TUT4: variants seen among roughly 807,000 people sequenced by gnomAD.
The protein encoded by TUT4 is terminal uridylyl transferase 4.
A neutral mutation model predicts 192.2 loss-of-function variants in TUT4; 36 were observed. That is an observed-to-expected ratio of 0.19 (90% confidence interval 0.14 to 0.25). TUT4 has a LOEUF of 0.25. Among genes scored for constraint, TUT4 ranks in the 10% least tolerant of loss-of-function variants. The probability of loss-of-function intolerance (pLI) is 1.00; values close to 1 mark genes in which losing one functional copy is unlikely to be tolerated. For synonymous variants in TUT4, 618 were observed against 666.0 expected, an observed-to-expected ratio of 0.93 and a Z score of 1.11; for missense variants, 1,493 against 1,957.2, an observed-to-expected ratio of 0.76 and a Z score of 4.47.
chr1:52,540,206 G>T, intron 1 of TUT4, among the ~76,000 whole-genome samples: 1 of 122,574 alleles, frequency 8.2e-6, no homozygotes. Context: ...GTGACAGAGC[G>T]AGACTCTGTC....
At chr1:52,448,700 T>C (rs977284090) in intron 20 of TUT4, among the ~76,000 whole-genome samples, 8 of 151,676 alleles carry the variant, frequency 5.3e-5, no homozygotes, top group African/African-American at 1.7e-4. Context: ...GGGGCTGACA[T>C]GTAATATTTT....
intron 1 of TUT4, among the ~76,000 whole-genome samples, chr1:52,538,114 T>C (rs951330345): frequency 3.9e-5 from 6 of 152,050 alleles, no homozygotes; most frequent in African/African-American, 7.2e-5. Context: ...CCCACACCCA[T>C]AGTCCCAGCT....
intron 1 of TUT4, among the ~76,000 whole-genome samples, chr1:52,544,526 C>A (rs1194645223): frequency 1.3e-5 from 2 of 152,054 alleles, no homozygotes; most frequent in African/African-American, 4.8e-5. Flanking sequence ...AAAATTAACT[C>A]AAAATGGATC....
At chr1:52,455,257 G>A (rs1264481181) in intron 20 of TUT4, among the ~76,000 whole-genome samples, 5 of 152,000 alleles carry the variant, frequency 3.3e-5, no homozygotes, top group Admixed American at 6.6e-5. Flanking sequence ...GTAATCTAGC[G>A]TGGACAACAG....
At chr1:52,464,460 T>C (rs1187869413) in intron 16 of TUT4, among the ~76,000 whole-genome samples, 1 of 152,150 alleles carries the variant, frequency 6.6e-6, no homozygotes, top group East Asian at 1.9e-4. Context: ...TTCACCATGT[T>C]GGCCAGGAGT....
intron 4 of TUT4, among the ~76,000 whole-genome samples, chr1:52,505,339 A>G (rs1229421677): frequency 6.6e-6 from 1 of 150,974 alleles, no homozygotes. Flanking sequence ...CAACCAAAGG[A>G]GCTGGGACTA....
At chr1:52,426,306 A>G (rs961751612) in intron 28 of TUT4, among the ~76,000 whole-genome samples, 5 of 152,196 alleles carry the variant, frequency 3.3e-5, no homozygotes, top group Admixed American at 1.3e-4. Context: ...GAGCTAGCAT[A>G]TAGGTAGGTA....
Position 52,495,466 on chromosome 1 carries a change from T to C in TUT4, c.1227A>G (p.Lys409=). 1 of 1,611,566 alleles carries C rather than the reference T, an allele frequency of 6.2e-7. No homozygotes were observed. Among genetic ancestry groups the C allele is most frequent in the Non-Finnish European group, 8.5e-7 (1 of 1,178,538 alleles). The change falls in exon 6 of 30, where the codon AAA becomes AAG. Residue 409 remains lysine, a synonymous_variant. Transcript: ENST00000257177. ...TTATATCTATATTAACATCACTACTTTTCAGAGCAAATCTAGTCAGAGATG... is the reference window on the plus strand; with the variant it reads ...TTATATCTATATTAACATCACTACTCTTCAGAGCAAATCTAGTCAGAGATG... ...YGSSLTRFAL[K]SSDVNIDIKF...
At chr1:52,552,499 G>C (rs1381383399) in intron 1 of TUT4, among the ~76,000 whole-genome samples, 3 of 152,244 alleles carry the variant, frequency 2.0e-5, no homozygotes, top group African/African-American at 7.2e-5. Flanking sequence ...ACATTATGTA[G>C]TCACCTATGT....
rs957002604 is a variant in TUT4 at position 52,481,450 on chromosome 1, A to T, written c.1821T>A (p.Ser607Arg). 18 of 1,613,872 alleles carry T rather than the reference A, an allele frequency of 1.1e-5. No homozygotes were observed. In the African/African-American group the frequency reaches 2.3e-4, roughly 20 times the overall value. ...TGCCATGTTTTTCCTTCATGGCATT[A>T]CTTTGGTTGTCTGTTTCTGTCTTCT... ...DTKKTETDNQ[S>R]NAMKEKHGKS... The change falls in exon 11 of 30, where the codon AGT (serine) becomes AGA (arginine). Residue 607 changes from serine to arginine, a missense_variant. Coordinates refer to ENST00000257177, the MANE Select transcript of TUT4 (RefSeq NM_001009881.3).
chr1:52,427,006 CAATG>C (rs1650200737), intron 28 of TUT4, among the ~76,000 whole-genome samples: 1 of 151,878 alleles, frequency 6.6e-6, no homozygotes, highest in Non-Finnish European at 1.5e-5. Context: ...AGTATCTATA[CAATG>C]AATAATATTA....
chr1:52,489,296 T>A (rs1670562043), intron 8 of TUT4, among the ~76,000 whole-genome samples: 1 of 152,218 alleles, frequency 6.6e-6, no homozygotes, highest in Admixed American at 6.5e-5. Flanking sequence ...AACTTAGTAT[T>A]TAAGTTAATG....
At chr1:52,474,746 C>T in intron 13 of TUT4, 86 bp downstream of exon 13, 2 of 1,159,290 alleles carry the variant, frequency 1.7e-6, no homozygotes, top group Non-Finnish European at 2.4e-6. Flanking sequence ...CTTTATATAG[C>T]TATTTTTACA....
chr1:52,548,444 C>T (rs1430069899), intron 1 of TUT4, among the ~76,000 whole-genome samples: 3 of 152,086 alleles, frequency 2.0e-5, no homozygotes, highest in African/African-American at 7.2e-5. Context: ...AATTTTGACA[C>T]CCTAAACTTG....
chr1:52,542,523 G>A lies in TUT4; in HGVS notation c.-94+10408C>T, dbSNP rs544534647. Among the ~76,000 whole-genome samples, 9 of 152,016 alleles carry A rather than the reference G, an allele frequency of 5.9e-5. No homozygotes were observed. The South Asian group carries it at 1.2e-3, about 21-fold the overall frequency. On this transcript the variant is annotated intron_variant, in intron 1 of 29. Transcript: ENST00000257177. ...GTAACACACATTAACCAAACAAAAC[G>A]AAAAACCACATGATCATCTCAATTG...
intron 4 of TUT4, among the ~76,000 whole-genome samples, chr1:52,499,259 C>T (rs746968259): frequency 2.0e-5 from 3 of 151,820 alleles, no homozygotes; most frequent in Non-Finnish European, 4.4e-5. Flanking sequence ...ATTAGCCAGG[C>T]ATGGTGGCAC....
rs183277242 is a variant in TUT4 at position 52,427,047 on chromosome 1, A to G, written c.4712-1540T>C. 2.8e-4 allele frequency among the ~76,000 whole-genome samples: 43 copies of G among 152,326 alleles called. No homozygotes were observed. The East Asian group carries it at 4.8e-3, about 17-fold the overall frequency. Reference sequence around the variant, plus strand: ...GTATAGCTTATTAGATAATAATACTATATAACAGGAACATGGCAGGCTACT... The same window carrying G: ...GTATAGCTTATTAGATAATAATACTGTATAACAGGAACATGGCAGGCTACT... On this transcript the variant is annotated intron_variant, in intron 28 of 29. Transcript: ENST00000257177.
At chr1:52,549,112 G>A (rs926398105) in intron 1 of TUT4, among the ~76,000 whole-genome samples, 2 of 152,136 alleles carry the variant, frequency 1.3e-5, no homozygotes, top group African/African-American at 4.8e-5. Flanking sequence ...CGGAAAAGAA[G>A]GCTTGCCTAT....
At chr1:52,475,607 A>G (rs1025871747) in intron 12 of TUT4, 72 bp from the exon 13 acceptor site, 117 of 1,310,984 alleles carry the variant, frequency 8.9e-5, no homozygotes, top group Non-Finnish European at 1.1e-4. Flanking sequence ...ATACAAGTAG[A>G]TCTTAACTGA....
Sources: allele counts gnomAD v4.1 joint callset (sites outside exome capture counted in the v4.1 genomes callset), GRCh38; gene constraint gnomAD v4.1.1; transcripts MANE v1.5; gene names NCBI Gene and HGNC (gene_info 2026-07-23, HGNC 2026-07-21).